FER1L6: variants seen among roughly 807,000 people sequenced by gnomAD.
The protein encoded by FER1L6 is fer-1 like family member 6.
In FER1L6, 177 loss-of-function variants were observed where a neutral mutation model predicts 219.2. The observed-to-expected ratio is 0.81, with a 90% CI of 0.71 to 0.91. FER1L6 has a LOEUF of 0.91. Among genes scored for constraint, FER1L6 ranks in the 40% least tolerant of loss-of-function variants. The pLI is 0.00. For missense variants in FER1L6, 2,153 were observed against 2,259.9 expected (o/e 0.95, Z 0.96); for synonymous variants, 768 against 824.3 (o/e 0.93, Z 1.17).
intron 6 of FER1L6, among the ~76,000 whole-genome samples, chr8:123,971,586 G>A (rs145407232): frequency 3.3e-5 from 5 of 152,274 alleles, no homozygotes; most frequent in East Asian, 1.9e-4. Flanking sequence ...CTCTAACTTC[G>A]AAGAAGAGAA....
rs553357210 is a variant in FER1L6 at position 124,094,786 on chromosome 8, C to T, written c.4553-110C>T. On this transcript the variant is annotated intron_variant, in intron 34 of 40. Coordinates refer to ENST00000522917, the MANE Select transcript of FER1L6 (RefSeq NM_001039112.2). The stretch of plus-strand genomic sequence containing the variant: ...ACAGGTGTGAACCACTGCACCCAGC[C>T]CCTTGGTACATTTAAATAAGCCTGT... 6.5e-6 allele frequency: 8 copies of T among 1,236,852 alleles called. No homozygotes were observed. The East Asian group carries it at 1.6e-4, about 25-fold the overall frequency. 76.6% of individuals were successfully genotyped at this position (1,236,852 alleles called of 1,614,324 possible). A position where few individuals can be genotyped will look rare whatever the true frequency, so the allele number is the denominator to read the frequency against.
At chr8:124,095,140 G>T in intron 35 of FER1L6, 102 bp downstream of exon 35, 1 of 1,447,410 alleles carries the variant, frequency 6.9e-7, no homozygotes. Context: ...GGTACATTTA[G>T]CAATGTCTGG....
At chr8:124,092,852 C>CTTT (rs56104148) in intron 34 of FER1L6, among the ~76,000 whole-genome samples, 3 of 140,146 alleles carry the variant, frequency 2.1e-5, no homozygotes, top group East Asian at 2.1e-4. Context: ...AAGTGCTACC[C>CTTT]TTTTTTTTTT....
At chr8:123,955,662 A>C (rs916524689) in intron 1 of FER1L6, among the ~76,000 whole-genome samples, 4 of 152,190 alleles carry the variant, frequency 2.6e-5, no homozygotes, top group African/African-American at 9.7e-5. Context: ...AAATGATGTG[A>C]CTGCTTTTTT....
chr8:124,018,007 G>A (rs993258532), intron 16 of FER1L6, among the ~76,000 whole-genome samples: 3 of 152,176 alleles, frequency 2.0e-5, no homozygotes, highest in East Asian at 3.8e-4. Context: ...CGGTAGACTC[G>A]CTTGGCCCTC....
intron 3 of FER1L6, among the ~76,000 whole-genome samples, chr8:123,964,727 A>G (rs1463921993): frequency 6.6e-6 from 1 of 152,208 alleles, no homozygotes; most frequent in Non-Finnish European, 1.5e-5. Context: ...TGGTCAGAAC[A>G]TTCTCCAGCA....
chr8:124,025,879 A>G (rs1185117493), intron 18 of FER1L6, among the ~76,000 whole-genome samples: 2 of 152,130 alleles, frequency 1.3e-5, no homozygotes, highest in East Asian at 1.9e-4. Context: ...CAGTTTCCTC[A>G]TTACCTTTTC....
At chr8:123,887,633 A>C (rs1407648130) in intron 1 of FER1L6, among the ~76,000 whole-genome samples, 1 of 152,208 alleles carries the variant, frequency 6.6e-6, no homozygotes, top group African/African-American at 2.4e-5. Context: ...AACAAGCCCA[A>C]CTAAGAGAGG....
intron 18 of FER1L6, among the ~76,000 whole-genome samples, chr8:124,024,207 T>A: frequency 6.6e-6 from 1 of 152,066 alleles, no homozygotes; most frequent in African/African-American, 2.4e-5. Flanking sequence ...TTTTTTTTTT[T>A]TTTTATTTCA....
At chr8:123,929,534 G>T (rs796879761) in intron 1 of FER1L6, among the ~76,000 whole-genome samples, 10 of 152,314 alleles carry the variant, frequency 6.6e-5, no homozygotes, top group African/African-American at 2.4e-4. Flanking sequence ...GAGGAAGTCT[G>T]CATCAAGGAA....
At chr8:124,044,500 T>C (rs1176677660) in intron 20 of FER1L6, among the ~76,000 whole-genome samples, 1 of 152,208 alleles carries the variant, frequency 6.6e-6, no homozygotes, top group Non-Finnish European at 1.5e-5. Context: ...AATGACTCGA[T>C]GTAAAACGCT....
chr8:123,979,450 G>A (rs1816228870), intron 10 of FER1L6, among the ~76,000 whole-genome samples: 1 of 152,082 alleles, frequency 6.6e-6, no homozygotes, highest in Non-Finnish European at 1.5e-5. Flanking sequence ...TTTAAAAACT[G>A]CCCAAGGTCA....
chr8:123,962,629 T>A (rs549548948), intron 2 of FER1L6, among the ~76,000 whole-genome samples: 6 of 152,304 alleles, frequency 3.9e-5, no homozygotes, highest in Non-Finnish European at 7.3e-5. Flanking sequence ...TTCTGTTTTT[T>A]ATTTTTTGAT....
chr8:123,880,156 C>T (rs1261127411), intron 1 of FER1L6, among the ~76,000 whole-genome samples: 8 of 152,092 alleles, frequency 5.3e-5, no homozygotes, highest in Non-Finnish European at 1.2e-4. Context: ...CCCTCTTCCC[C>T]GACCAACTCC....
At chr8:123,890,696 A>AAAC (rs960267198) in intron 1 of FER1L6, among the ~76,000 whole-genome samples, 12 of 128,888 alleles carry the variant, frequency 9.3e-5, no homozygotes, top group Non-Finnish European at 1.3e-4. Flanking sequence ...TTTCCTGGTT[A>AAAC]AACAACAACA....
chr8:123,996,415 G>A (rs1817135396), intron 12 of FER1L6, among the ~76,000 whole-genome samples: 2 of 151,930 alleles, frequency 1.3e-5, no homozygotes, highest in Admixed American at 6.6e-5. Context: ...TAATTTTTAT[G>A]TTGAAATCTA....
intron 1 of FER1L6, among the ~76,000 whole-genome samples, chr8:123,913,571 G>T (rs1056425705): frequency 3.3e-5 from 5 of 152,028 alleles, no homozygotes; most frequent in Non-Finnish European, 7.4e-5. Flanking sequence ...CTCCCTTGCT[G>T]GGCTCTGTGT....
At chr8:123,857,690 G>A (rs537138308) in intron 1 of FER1L6, among the ~76,000 whole-genome samples, 79 of 152,066 alleles carry the variant, frequency 5.2e-4, no homozygotes, top group African/African-American at 1.8e-3. Context: ...CCTGGTGGCC[G>A]GCCTCTGAAG....
chr8:123,909,456 G>A (rs563865343), intron 1 of FER1L6, among the ~76,000 whole-genome samples: 2 of 152,260 alleles, frequency 1.3e-5, no homozygotes, highest in African/African-American at 4.8e-5. Context: ...GATGAAAAAG[G>A]TTGTTGAGTG....
Sources: gnomAD v4.1 joint callset for allele counts (sites outside exome capture counted in the v4.1 genomes callset) on GRCh38, gnomAD v4.1.1 for gene constraint, MANE v1.5 for transcripts, NCBI Gene and HGNC (gene_info 2026-07-23, HGNC 2026-07-21) for gene names.